The following SLC4A10 variants were observed in gnomAD, a reference collection of about 807,000 sequenced individuals.
The protein encoded by SLC4A10 is sodium-driven chloride bicarbonate exchanger.
Under a neutral mutation model 137.7 loss-of-function variants are expected in SLC4A10, and 42 were observed. The ratio of observed to expected loss-of-function variants is 0.30; its 90% confidence interval spans 0.24 to 0.39. The LOEUF (loss-of-function observed/expected upper bound fraction) is 0.39, where lower values mean the gene tolerates loss of function less well. Among genes scored for constraint, SLC4A10 ranks in the 10% least tolerant of loss-of-function variants. SLC4A10 has a pLI of 1.00. For missense variants in SLC4A10, 925 were observed against 1,355.0 expected (o/e 0.68, Z 4.98); for synonymous variants, 474 against 464.1 (o/e 1.02, Z -0.27).
At chr2:161,757,771 A>T (rs556577638) in intron 1 of SLC4A10, among the ~76,000 whole-genome samples, 22 of 152,290 alleles carry the variant, frequency 1.4e-4, no homozygotes, top group African/African-American at 4.8e-4. Flanking sequence ...TGCTAACTAC[A>T]AATTAGTTTT....
At chr2:161,660,615 T>C (rs199657320) in intron 1 of SLC4A10, among the ~76,000 whole-genome samples, 4 of 145,574 alleles carry the variant, frequency 2.7e-5, no homozygotes, top group Admixed American at 1.4e-4. Context: ...TTTCTTTCTT[T>C]CTTTCTTTCT....
chr2:161,876,829 A>G (rs1323450239), intron 8 of SLC4A10, among the ~76,000 whole-genome samples: 2 of 152,026 alleles, frequency 1.3e-5, no homozygotes, highest in Non-Finnish European at 2.9e-5. Context: ...ATAATTAGAT[A>G]ATATATAATC....
intron 1 of SLC4A10, among the ~76,000 whole-genome samples, chr2:161,652,495 AT>A (rs1189705455): frequency 6.6e-6 from 1 of 152,220 alleles, no homozygotes; most frequent in Non-Finnish European, 1.5e-5. Flanking sequence ...ATATATTTAC[AT>A]TTCTAATATA....
chr2:161,755,249 A>C (rs1011503857), intron 1 of SLC4A10, among the ~76,000 whole-genome samples: 4 of 152,098 alleles, frequency 2.6e-5, no homozygotes, highest in African/African-American at 9.7e-5. Flanking sequence ...AGAACTGTTT[A>C]TTTGCCTAAA....
chr2:161,937,872 G>C (rs1363986169), intron 15 of SLC4A10, among the ~76,000 whole-genome samples: 1 of 152,096 alleles, frequency 6.6e-6, no homozygotes, highest in Non-Finnish European at 1.5e-5. Flanking sequence ...CCTTAAGGAG[G>C]AGAAGTAAAG....
intron 23 of SLC4A10, among the ~76,000 whole-genome samples, chr2:161,968,443 A>T (rs1319842288): frequency 6.6e-6 from 1 of 152,228 alleles, no homozygotes; most frequent in Admixed American, 6.5e-5. Context: ...AAATAGCACT[A>T]AATTTCCTAG....
chr2:161,682,252 A>G (rs2040936197), intron 1 of SLC4A10, among the ~76,000 whole-genome samples: 1 of 152,168 alleles, frequency 6.6e-6, no homozygotes, highest in African/African-American at 2.4e-5. Context: ...AGACATGTTT[A>G]TAATTTCATT....
chr2:161,971,835 T>C (rs1003965052), intron 23 of SLC4A10, among the ~76,000 whole-genome samples: 2 of 152,198 alleles, frequency 1.3e-5, no homozygotes, highest in Non-Finnish European at 2.9e-5. Flanking sequence ...TTAGAGGTGA[T>C]GAGTTTTTGT....
At chr2:161,959,157 C>T (rs898877174) in intron 21 of SLC4A10, among the ~76,000 whole-genome samples, 1 of 152,072 alleles carries the variant, frequency 6.6e-6, no homozygotes, top group African/African-American at 2.4e-5. Flanking sequence ...GAAATAAGAA[C>T]AATTTGTTGA....
intron 8 of SLC4A10, among the ~76,000 whole-genome samples, chr2:161,874,397 A>G (rs1431232786): frequency 6.6e-6 from 1 of 152,210 alleles, no homozygotes; most frequent in African/African-American, 2.4e-5. Flanking sequence ...CTGATTGTGT[A>G]TCTCCATATC....
At chr2:161,745,230 G>A (rs1224351660) in intron 1 of SLC4A10, among the ~76,000 whole-genome samples, 2 of 151,994 alleles carry the variant, frequency 1.3e-5, no homozygotes, top group African/African-American at 4.8e-5. Context: ...GATCCAGTAG[G>A]TGTGCTTCAT....
intron 23 of SLC4A10, among the ~76,000 whole-genome samples, chr2:161,967,830 C>G (rs189844311): frequency 2.6e-5 from 4 of 152,082 alleles, no homozygotes; most frequent in Admixed American, 6.5e-5. Flanking sequence ...TTTATTTATT[C>G]TTAATGTCAC....
At chr2:161,957,559 C>T (rs928451471) in intron 20 of SLC4A10, among the ~76,000 whole-genome samples, 2 of 152,114 alleles carry the variant, frequency 1.3e-5, no homozygotes, top group Non-Finnish European at 2.9e-5. Context: ...TGACCCGAAT[C>T]CATTACAGGC....
At position 161,957,245 on chromosome 2, in the gene SLC4A10, C is replaced by T. The variant is rs751289451; in HGVS notation, c.2793+5C>T. On this transcript the variant is annotated splice_donor_5th_base_variant and intron_variant, in intron 20 of 26. Coordinates refer to ENST00000446997, the MANE Select transcript of SLC4A10 (RefSeq NM_001178015.2). The stretch of plus-strand genomic sequence containing the variant: ...TTTATGACCAGTATTCTGAAGGTAA[C>T]AAAATCTGTCTTTATGAACTTGAGA... 2.1e-5 allele frequency: 33 copies of T among 1,609,602 alleles called. No homozygotes were observed. The highest frequency in any genetic ancestry group is 2.6e-5 in the Non-Finnish European group (31 of 1,177,676).
chr2:161,670,258 T>G (rs1197646267), intron 1 of SLC4A10, among the ~76,000 whole-genome samples: 1 of 150,850 alleles, frequency 6.6e-6, no homozygotes, highest in Non-Finnish European at 1.5e-5. Context: ...TTTCCTTTTT[T>G]TTCTCTTCCT....
chr2:161,955,374 C>A (rs1695472410), intron 19 of SLC4A10, among the ~76,000 whole-genome samples: 1 of 152,168 alleles, frequency 6.6e-6, no homozygotes, highest in Admixed American at 6.6e-5. Context: ...GTTTCTCTTC[C>A]TACTCTTCAA....
intron 3 of SLC4A10, among the ~76,000 whole-genome samples, chr2:161,830,215 G>T (rs1333001817): frequency 3.4e-5 from 5 of 149,060 alleles, no homozygotes; most frequent in Admixed American, 1.3e-4. Flanking sequence ...GTTCAGTAAA[G>T]AATATGTTTC....
intron 3 of SLC4A10, among the ~76,000 whole-genome samples, chr2:161,828,767 CATATATATATATATATATATATATAT>C (rs58808663): frequency 0.082 from 3,445 of 42,144 alleles, 252 homozygotes; most frequent in Middle Eastern, 0.23. Flanking sequence ...AATTCTAATT[CATATATATATATATATATATATATAT>C]ATATATATAT....
At chr2:161,959,870 T>G (rs1427164329) in intron 21 of SLC4A10, among the ~76,000 whole-genome samples, 1 of 152,166 alleles carries the variant, frequency 6.6e-6, no homozygotes, top group Non-Finnish European at 1.5e-5. Flanking sequence ...TGTAGGCAAA[T>G]TCTTCCCACG....
Sources: gnomAD v4.1 joint callset for allele counts (sites outside exome capture counted in the v4.1 genomes callset) on GRCh38, gnomAD v4.1.1 for gene constraint, MANE v1.5 for transcripts, NCBI Gene and HGNC (gene_info 2026-07-23, HGNC 2026-07-21) for gene names.